IL7: variants seen among roughly 807,000 people sequenced by gnomAD.
IL7 encodes interleukin 7.
In IL7, 3 loss-of-function variants were observed where a neutral mutation model predicts 21.6. The ratio of observed to expected loss-of-function variants is 0.14; its 90% CI spans 0.06 to 0.36. The LOEUF (loss-of-function observed/expected upper bound fraction) is 0.36, where lower values mean the gene tolerates loss of function less well. IL7 is among the 10% of genes least tolerant of loss of function. IL7 has a pLI of 1.00. For missense variants in IL7, 175 were observed against 200.2 expected (o/e 0.87, Z 0.76); for synonymous variants, 62 against 68.1 (o/e 0.91, Z 0.44).
At chr8:78,713,645 C>T (rs1811013765), downstream of IL7, among the ~76,000 whole-genome samples, 1 of 152,088 alleles carries the variant, frequency 6.6e-6, no homozygotes, top group Non-Finnish European at 1.5e-5. Context: ...CAGGGCATTC[C>T]ATTCATGCAC....
chr8:78,761,653 G>A (rs1812561826), intron 2 of IL7: 2 of 1,611,992 alleles, frequency 1.2e-6, no homozygotes, highest in Non-Finnish European at 8.5e-7. Context: ...TGGAAAAGAC[G>A]TGTGAGTCTC....
intron 3 of IL7, chr8:78,698,519 T>A (rs185179032): frequency 6.4e-7 from 1 of 1,572,240 alleles, no homozygotes; most frequent in South Asian, 1.1e-5. Context: ...GCAGGGTAAG[T>A]CTACACTGGA....
intron 2 of IL7, among the ~76,000 whole-genome samples, chr8:78,793,455 A>G (rs1813759407): frequency 1.3e-5 from 2 of 152,190 alleles, no homozygotes; most frequent in African/African-American, 4.8e-5. Flanking sequence ...TTATGTTTAC[A>G]CTATACTGTA....
intron 3 of IL7, among the ~76,000 whole-genome samples, chr8:78,723,093 A>ATATATATG (rs1811272407): frequency 1.1e-4 from 1 of 8,814 alleles, no homozygotes; most frequent in Non-Finnish European, 4.8e-4. Flanking sequence ...AGAAGTACAA[A>ATATATATG]TATATATATA....
At chr8:78,676,092 A>G (rs1036807732) in exon 5 of IL7, 17 of 353,274 alleles carry the variant, frequency 4.8e-5, no homozygotes, top group Non-Finnish European at 8.1e-5. Flanking sequence ...GGTATTCCTC[A>G]TTTTACGAGA....
rs74821568 is a variant in IL7, at chr8:78,766,640, A to G, written c.148-26558T>C. On this transcript the variant is annotated intron_variant, in intron 2 of 5. Coordinates refer to ENST00000263851, the MANE Select transcript of IL7 (RefSeq NM_000880.4). ...TCATGACTGTCATTCTAGGTCAAAC[A>G]TACTAGAACAATTGTTTTATAACTG... 1.4e-3 allele frequency among the ~76,000 whole-genome samples: 220 copies of G among 152,272 alleles called. 2 individuals are homozygous for G. The highest frequency in any genetic ancestry group is 5.0e-3 in the African/African-American group (206 of 41,580).
At chr8:78,748,777 T>C (rs549519704) in intron 2 of IL7, among the ~76,000 whole-genome samples, 20 of 152,284 alleles carry the variant, frequency 1.3e-4, no homozygotes, top group African/African-American at 4.6e-4. Context: ...GAAGTGGTGG[T>C]CCATAGTAAA....
chr8:78,748,957 G>A (rs1489255992), intron 2 of IL7, among the ~76,000 whole-genome samples: 1 of 152,076 alleles, frequency 6.6e-6, no homozygotes, highest in Non-Finnish European at 1.5e-5. Context: ...ATAAACAAGT[G>A]GTAAATCTAT....
intron 2 of IL7, chr8:78,760,196 A>G: frequency 1.3e-6 from 2 of 1,561,750 alleles, no homozygotes; most frequent in Non-Finnish European, 1.7e-6. Flanking sequence ...ACTTACTTGT[A>G]TAGAGTTTAA....
Position 78,687,762 on chromosome 8 carries a change from G to A in IL7, n.215-1815C>T, listed in dbSNP as rs544520870. The stretch of plus-strand genomic sequence containing the variant: ...TATGTAATACATTATATATATTTAC[G>A]TAAGACATTATATATATATTTACGT... On this transcript the variant is annotated intron_variant and non_coding_transcript_variant, in intron 3 of 4. Transcript: ENST00000523959. 6.1e-4 allele frequency among the ~76,000 whole-genome samples: 37 copies of A among 60,288 alleles called. 13 individuals carry two copies. The highest frequency in any genetic ancestry group is 1.7e-3 in the Admixed American group (8 of 4,652). 39.6% of individuals were successfully genotyped at this position (60,288 alleles called of 152,430 possible). A position where few individuals can be genotyped will look rare whatever the true frequency, so the allele number is the denominator to read the frequency against.
intron 2 of IL7, among the ~76,000 whole-genome samples, chr8:78,742,601 A>T (rs116748778): frequency 1.8e-3 from 276 of 152,308 alleles, no homozygotes; most frequent in African/African-American, 6.5e-3. Context: ...TTAATTACAT[A>T]CAAATTCATT....
intron 2 of IL7, among the ~76,000 whole-genome samples, chr8:78,757,912 A>G (rs1363245746): frequency 1.3e-5 from 2 of 152,080 alleles, no homozygotes; most frequent in Admixed American, 1.3e-4. Context: ...TGTTCTTGTG[A>G]TAGTGAATAA....
rs118091418 is a variant in IL7 at position 78,750,280 on chromosome 8, G to A, written c.148-10198C>T. 5.3e-3 allele frequency among the ~76,000 whole-genome samples: 799 copies of A among 152,034 alleles called. 4 individuals carry two copies. Among genetic ancestry groups the A allele is most frequent in the African/African-American group, 6.1e-3 (252 of 41,478 alleles). ...AGTTCACAGTCCAGGTCACAGGCTCGCCAAAAGACTAAGACCTAATCACAG... is the reference window on the plus strand; with the variant it reads ...AGTTCACAGTCCAGGTCACAGGCTCACCAAAAGACTAAGACCTAATCACAG... On this transcript the variant is annotated intron_variant, in intron 2 of 5. Coordinates refer to ENST00000263851, the MANE Select transcript of IL7 (RefSeq NM_000880.4).
At chr8:78,752,843 T>A (rs1812220024) in intron 2 of IL7, among the ~76,000 whole-genome samples, 1 of 151,988 alleles carries the variant, frequency 6.6e-6, no homozygotes, top group Non-Finnish European at 1.5e-5. Flanking sequence ...GAACGTGCGG[T>A]CTTTGGTTTT....
intron 2 of IL7, among the ~76,000 whole-genome samples, chr8:78,742,904 C>T (rs1157120645): frequency 1.3e-5 from 2 of 152,060 alleles, no homozygotes; most frequent in African/African-American, 4.8e-5. Context: ...CAAAAAGCCC[C>T]AGTGTGTATT....
chr8:78,721,052 T>C (rs1353289772), exon 5 of IL7: 1 of 151,976 alleles, frequency 6.6e-6, no homozygotes, highest in African/African-American at 2.4e-5. Context: ...TCTTTCTGGA[T>C]ATGCAATGAT....
At chr8:78,767,649 A>G (rs926871763) in intron 2 of IL7, among the ~76,000 whole-genome samples, 1 of 152,102 alleles carries the variant, frequency 6.6e-6, no homozygotes, top group African/African-American at 2.4e-5. Flanking sequence ...TTTGTGTTTT[A>G]ATATTTACAA....
At chr8:78,692,660 T>G (rs1349988928) in intron 3 of IL7, among the ~76,000 whole-genome samples, 1 of 152,166 alleles carries the variant, frequency 6.6e-6, no homozygotes, top group Non-Finnish European at 1.5e-5. Flanking sequence ...ATCTTTTTGT[T>G]GTAATTGCTG....
intron 2 of IL7, among the ~76,000 whole-genome samples, chr8:78,754,615 C>T (rs191979948): frequency 9.2e-5 from 14 of 152,190 alleles, no homozygotes; most frequent in African/African-American, 3.1e-4. Context: ...AAGCTGGAGG[C>T]GTCACGCTAC....
Sources: allele counts gnomAD v4.1 joint callset (sites outside exome capture counted in the v4.1 genomes callset), GRCh38; gene constraint gnomAD v4.1.1; transcripts MANE v1.5; gene names NCBI Gene and HGNC (gene_info 2026-07-23, HGNC 2026-07-21).